Variants in ARHGEF10 observed in about 807,000 individuals in gnomAD.
The protein encoded by ARHGEF10 is Rho guanine nucleotide exchange factor (GEF) 10.
ARHGEF10 carries 140 observed loss-of-function variants against 147.4 expected under a neutral mutation model. The ratio of observed to expected loss-of-function variants is 0.95; its 90% CI spans 0.83 to 1.09. The LOEUF (loss-of-function observed/expected upper bound fraction) is 1.09, where lower values mean the gene tolerates loss of function less well. Among genes scored for constraint, ARHGEF10 ranks in the 50% least tolerant of loss-of-function variants. ARHGEF10 has a pLI of 0.00. For missense variants in ARHGEF10, 2,222 were observed against 1,752.7 expected, an observed-to-expected ratio of 1.27 and a Z score of -4.78; for synonymous variants, 902 against 695.8, an observed-to-expected ratio of 1.30 and a Z score of -4.67.
chr8:1,831,631 T>C (rs537101934), intron 1 of ARHGEF10, among the ~76,000 whole-genome samples: 2 of 151,692 alleles, frequency 1.3e-5, no homozygotes, highest in East Asian at 3.9e-4. Flanking sequence ...CCGTGCACAG[T>C]GAGTGGTGAG....
chr8:1,866,674 C>T (rs1223134899), intron 6 of ARHGEF10, 72 bp downstream of exon 6: 2 of 1,378,716 alleles, frequency 1.5e-6, no homozygotes, highest in Non-Finnish European at 1.0e-6. Flanking sequence ...GGGGCCGGGT[C>T]CCTGAGTCTC....
intron 26 of ARHGEF10, among the ~76,000 whole-genome samples, chr8:1,936,773 G>C (rs1165704061): frequency 6.6e-6 from 1 of 152,174 alleles, no homozygotes; most frequent in African/African-American, 2.4e-5. Context: ...ACACACTGAC[G>C]AGACCGGTTT....
In ARHGEF10 at chr8:1,937,830, G is replaced by C. The variant is rs979814469; in HGVS notation, c.3222+3888G>C. Among the ~76,000 whole-genome samples, 2 of 152,226 alleles carry C rather than the reference G, an allele frequency of 1.3e-5. No homozygotes were observed. Among genetic ancestry groups the C allele is most frequent in the African/African-American group, 4.8e-5 (2 of 41,470 alleles). ...TGCATGTGATCTGGGCTTGGGTTGA[G>C]CGGGTTGGGAGATGCTAGCCATATT... is the stretch of plus-strand genomic sequence containing the variant. On this transcript the variant is annotated intron_variant, in intron 26 of 28. Coordinates refer to ENST00000349830, the MANE Select transcript of ARHGEF10 (RefSeq NM_014629.4). This position sits in a 1 kb window ranked among gnomAD's most constrained non-coding sequence, Gnocchi z 4.9.
At chr8:1,891,823 G>A (rs576954238) in intron 11 of ARHGEF10, among the ~76,000 whole-genome samples, 8 of 152,060 alleles carry the variant, frequency 5.3e-5, no homozygotes, top group South Asian at 2.1e-4. Flanking sequence ...CTGACATCAC[G>A]TGCAGTAGCC....
chr8:1,825,481 C>T (rs1802716504), intron 1 of ARHGEF10, among the ~76,000 whole-genome samples: 1 of 142,704 alleles, frequency 7.0e-6, no homozygotes, highest in Non-Finnish European at 1.5e-5. Flanking sequence ...CCAGCTGTCC[C>T]TCGCACCCCA....
Position 1,857,946 on chromosome 8 carries a change from G to T in ARHGEF10, c.38-14G>T. The T allele has an allele frequency of 1.2e-6, 2 of 1,607,414 alleles. No individual in the cohort carries two copies. Among genetic ancestry groups the T allele is most frequent in the Non-Finnish European group, 1.7e-6 (2 of 1,174,680 alleles). On this transcript the variant is annotated splice_polypyrimidine_tract_variant and intron_variant, in intron 2 of 28. Transcript: ENST00000349830. ...TCTATCTCTCCTTGATGTGGTTTTG[G>T]TTTTTCTTTTTAGAAAATGAAATGA...
At chr8:1,893,430 T>C (rs1809711448) in intron 11 of ARHGEF10, 139 bp from the exon 12 acceptor site, 1 of 666,704 alleles carries the variant, frequency 1.5e-6, no homozygotes. Context: ...CCTGTAATGT[T>C]ATTTAATTAG....
rs1030230899 is a variant in ARHGEF10 at position 1,929,755 on chromosome 8, C to T, written c.3079+312C>T. ...GCAGAGCCTCCTTCAGCATGTCCTGCGCTGACCAGCTGAGCAGCCTGCCCG... is the reference window on the plus strand; with the variant it reads ...GCAGAGCCTCCTTCAGCATGTCCTGTGCTGACCAGCTGAGCAGCCTGCCCG... On this transcript the variant is annotated intron_variant, in intron 25 of 28. Transcript: ENST00000349830. Among the ~76,000 whole-genome samples the T allele has an allele frequency of 2.3e-4, 35 of 152,214 alleles. 1 individual carries two copies. The highest frequency in any genetic ancestry group is 3.9e-4 in the Admixed American group (6 of 15,288).
chr8:1,865,422 CCCCCAGCACCCAGGGGGCCA>C (rs1806505026), intron 5 of ARHGEF10, among the ~76,000 whole-genome samples: 1 of 151,450 alleles, frequency 6.6e-6, no homozygotes, highest in South Asian at 2.1e-4. Flanking sequence ...CATGGGGCAT[CCCCCAGCACCCAGGGGGCCA>C]TCACCAGGGC....
At chr8:1,835,756 G>T (rs572685331) in intron 1 of ARHGEF10, among the ~76,000 whole-genome samples, 11 of 152,282 alleles carry the variant, frequency 7.2e-5, no homozygotes, top group African/African-American at 2.6e-4. Context: ...GTCAGGGAGC[G>T]CAGTGGCTGT....
chr8:1,839,318 G>C (rs1257032224), intron 1 of ARHGEF10, among the ~76,000 whole-genome samples: 1 of 148,970 alleles, frequency 6.7e-6, no homozygotes, highest in East Asian at 2.0e-4. Flanking sequence ...GGGACTGTCT[G>C]GTGTGGGGAC....
intron 2 of ARHGEF10, among the ~76,000 whole-genome samples, chr8:1,848,472 A>G (rs1004332141): frequency 6.6e-6 from 1 of 152,192 alleles, no homozygotes; most frequent in South Asian, 2.1e-4. Context: ...AGAATAACAC[A>G]GCAGGATGGG....
intron 18 of ARHGEF10, among the ~76,000 whole-genome samples, chr8:1,910,683 G>T (rs1379809566): frequency 1.3e-5 from 2 of 152,156 alleles, no homozygotes; most frequent in African/African-American, 4.8e-5. Flanking sequence ...TTTTATTCAA[G>T]AGCAAATTGG....
Position 1,882,366 on chromosome 8 carries a change from G to A in ARHGEF10, c.961-269G>A, listed in dbSNP as rs779691702. Among the ~76,000 whole-genome samples the A allele has an allele frequency of 4.6e-5, 7 of 152,222 alleles. No homozygotes were observed. The East Asian group carries it at 5.8e-4, about 13-fold the overall frequency. On this transcript the variant is annotated intron_variant, in intron 9 of 28. Coordinates refer to ENST00000349830, the MANE Select transcript of ARHGEF10 (RefSeq NM_014629.4). ...TTAGTGACTCACCTGTGACCCCCACGTAGCTCTTTGTGTGAGTGGATCACA... is the reference window on the plus strand; with the variant it reads ...TTAGTGACTCACCTGTGACCCCCACATAGCTCTTTGTGTGAGTGGATCACA...
At chr8:1,841,535 C>T (rs1804031356) in intron 1 of ARHGEF10, among the ~76,000 whole-genome samples, 1 of 152,138 alleles carries the variant, frequency 6.6e-6, no homozygotes, top group Admixed American at 6.5e-5. Context: ...CAGGCTCTTT[C>T]CCAGCTACCG....
intron 10 of ARHGEF10, 45 bp downstream of exon 10, chr8:1,882,794 G>T (rs1245125290): frequency 2.9e-6 from 4 of 1,368,044 alleles, no homozygotes; most frequent in Admixed American, 4.0e-5. Context: ...CGGGGTTGGG[G>T]GGGGCGGCCA....
chr8:1,935,010 A>T (rs1813458092), intron 26 of ARHGEF10, among the ~76,000 whole-genome samples: 1 of 152,252 alleles, frequency 6.6e-6, no homozygotes, highest in Non-Finnish European at 1.5e-5. Context: ...AAAGGACATG[A>T]ACAGGCAGCT....
At chr8:1,841,640 G>C (rs1020493461) in intron 1 of ARHGEF10, among the ~76,000 whole-genome samples, 1 of 151,986 alleles carries the variant, frequency 6.6e-6, no homozygotes, top group East Asian at 2.0e-4. Flanking sequence ...CTCATCTCTC[G>C]GGGCCTGATG....
intron 1 of ARHGEF10, among the ~76,000 whole-genome samples, chr8:1,841,717 G>C (rs1804046228): frequency 6.6e-6 from 1 of 152,076 alleles, no homozygotes; most frequent in Non-Finnish European, 1.5e-5. Context: ...GTTAACAGAT[G>C]AGACAATCGC....
Sources: gnomAD v4.1 joint callset for allele counts (sites outside exome capture counted in the v4.1 genomes callset) on GRCh38, gnomAD v4.1.1 for gene constraint, Gnocchi (gnomAD v3.1) non-coding constraint, MANE v1.5 for transcripts, NCBI Gene and HGNC (gene_info 2026-07-23, HGNC 2026-07-21) for gene names.